The following ZNF37A variants were observed in gnomAD, a reference collection of about 807,000 sequenced individuals.
The protein encoded by ZNF37A is zinc finger protein 37A, also known as zinc finger protein 37a (KOX 21).
ZNF37A carries 10 observed loss-of-function variants against 12.3 expected under a neutral mutation model. The ratio of observed to expected loss-of-function variants is 0.82; its 90% CI spans 0.50 to 1.38. The LOEUF (loss-of-function observed/expected upper bound fraction) is 1.38, where lower values mean the gene tolerates loss of function less well. ZNF37A is among the 40% of genes most tolerant of loss of function. The pLI, the probability that ZNF37A is intolerant of heterozygous loss-of-function variation, is 0.00. For missense variants in ZNF37A, 580 were observed against 651.2 expected, an observed-to-expected ratio of 0.89 and a Z score of 1.19; for synonymous variants, 207 against 223.0, an observed-to-expected ratio of 0.93 and a Z score of 0.64.
In ZNF37A at chr10:38,101,647, C is replaced by A. The variant is rs1439926167; in HGVS notation, c.15+5015C>A. Among the ~76,000 whole-genome samples, 3 of 149,512 alleles carry A rather than the reference C, an allele frequency of 2.0e-5. No individual in the cohort carries two copies. In the South Asian group the frequency reaches 6.3e-4, roughly 32 times the overall value. ...CTTGTAACAATTTTTGACTTAAAGT[C>A]TCTTTTGTCTCAGTATAGCCACCCT... On this transcript the variant is annotated intron_variant, in intron 5 of 7. Transcript: ENST00000685332.
At chr10:38,135,324 G>T (rs1196570801) in intron 7 of ZNF37A, among the ~76,000 whole-genome samples, 9 of 152,250 alleles carry the variant, frequency 5.9e-5, no homozygotes, top group East Asian at 1.9e-4. Flanking sequence ...GGCGGAGGTT[G>T]CAGTGAGCTG....
rs2069768029 is a variant in ZNF37A at position 38,122,532 on chromosome 10, T to A, written c.*3695T>A. 6.6e-6 allele frequency: 1 copy of A among 152,108 alleles called. No homozygotes were observed. The highest frequency in any genetic ancestry group is 6.5e-5 in the Admixed American group (1 of 15,268). The allele number at this position is 152,108 out of a possible 1,614,324, so 9.4% of individuals were successfully genotyped here. A position where few individuals can be genotyped will look rare whatever the true frequency, so the allele number is the denominator to read the frequency against. On this transcript the variant is annotated 3_prime_UTR_variant, in exon 8 of 8. Coordinates refer to ENST00000685332, the MANE Select transcript of ZNF37A (RefSeq NM_001324250.3). ...GACAACCCAGAAACAAATTCATACA[T>A]CTATGGTGACCACTTTTGACAAAGG...
chr10:38,129,319 A>AAAAAAAAAAAAAAAAAAAAAAC, downstream of ZNF37A, among the ~76,000 whole-genome samples: 63 of 116,244 alleles, frequency 5.4e-4, 3 homozygotes, highest in Middle Eastern at 4.4e-3. Flanking sequence ...AAAAAAAAAA[A>AAAAAAAAAAAAAAAAAAAAAAC]AAACTATTAT....
At chr10:38,145,481 A>G (rs2070240750) in intron 7 of ZNF37A, among the ~76,000 whole-genome samples, 2 of 152,192 alleles carry the variant, frequency 1.3e-5, no homozygotes, top group South Asian at 4.1e-4. Context: ...ATGTGTGGGA[A>G]ATTTCTAACA....
chr10:38,141,264 G>A (rs2070178745), intron 7 of ZNF37A: 1 of 152,158 alleles, frequency 6.6e-6, no homozygotes, highest in Admixed American at 6.5e-5. Flanking sequence ...TATAGAGGAT[G>A]GAAGGGAAAA....
At chr10:38,137,099 T>C (rs1275256644) in intron 7 of ZNF37A, among the ~76,000 whole-genome samples, 1 of 152,224 alleles carries the variant, frequency 6.6e-6, no homozygotes, top group African/African-American at 2.4e-5. Context: ...TGTTTAAAAG[T>C]CTTTTTCTAG....
chr10:38,135,902 C>T (rs1432880215), intron 7 of ZNF37A, among the ~76,000 whole-genome samples: 1 of 152,158 alleles, frequency 6.6e-6, no homozygotes, highest in Non-Finnish European at 1.5e-5. Flanking sequence ...ATGGGGATTA[C>T]AATTCAAGAT....
chr10:38,129,403 C>T (rs141750844), downstream of ZNF37A, among the ~76,000 whole-genome samples: 1 of 150,918 alleles, frequency 6.6e-6, no homozygotes, highest in African/African-American at 2.4e-5. Flanking sequence ...TTGTGTGTTG[C>T]AGGGCTTGGT....
chr10:38,112,423 T>C (rs11011453), intron 5 of ZNF37A, among the ~76,000 whole-genome samples: 1 of 152,116 alleles, frequency 6.6e-6, no homozygotes, highest in Non-Finnish European at 1.5e-5. Context: ...GTGGGAGTTA[T>C]TTATATCCTA....
chr10:38,141,256 T>C (rs2070178620), intron 7 of ZNF37A: 1 of 152,144 alleles, frequency 6.6e-6, no homozygotes, highest in South Asian at 2.1e-4. Flanking sequence ...TTTTAACATA[T>C]AGAGGATGGA....
rs2069509003 is a variant in ZNF37A at position 38,118,796 on chromosome 10, A to G, written c.1645A>G (p.Asn549Asp). 6.2e-7 allele frequency: 1 copy of G among 1,601,302 alleles called. No individual in the cohort carries two copies. Among genetic ancestry groups the G allele is most frequent in the African/African-American group, 1.3e-5 (1 of 74,394 alleles). ...ACATCAGAGAATACACTTGGGGAGA[A>G]ACCCTATAAATGTAGTAAACGAGGG... ...TVHQRIHLGR[N>D]PINVVNEGNY... The change falls in exon 8 of 8, where the codon AAC becomes GAC. Residue 549 changes from asparagine to aspartate, a missense_variant. Coordinates refer to ENST00000685332, the MANE Select transcript of ZNF37A (RefSeq NM_001324250.3).
chr10:38,136,685 T>A (rs2070111993), intron 7 of ZNF37A, among the ~76,000 whole-genome samples: 1 of 152,230 alleles, frequency 6.6e-6, no homozygotes, highest in Non-Finnish European at 1.5e-5. Flanking sequence ...TAGATTCATC[T>A]TTTTGCATAA....
chr10:38,134,412 C>T (rs570685016), intron 7 of ZNF37A, among the ~76,000 whole-genome samples: 1 of 152,256 alleles, frequency 6.6e-6, no homozygotes, highest in East Asian at 1.9e-4. Flanking sequence ...GGTTTCTCCC[C>T]ATCTTTGTGG....
intron 5 of ZNF37A, among the ~76,000 whole-genome samples, chr10:38,107,947 G>T (rs1429170494): frequency 6.8e-6 from 1 of 147,266 alleles, no homozygotes; most frequent in African/African-American, 2.5e-5. Context: ...AGATCATCAA[G>T]ACAGAAAATT....
At chr10:38,112,224 C>A (rs2068746050) in intron 5 of ZNF37A, among the ~76,000 whole-genome samples, 1 of 151,944 alleles carries the variant, frequency 6.6e-6, no homozygotes, top group Non-Finnish European at 1.5e-5. Flanking sequence ...AAGCACTTAG[C>A]CTGGTCCATT....
chr10:38,148,379 A>C (rs1011712348), exon 8 of ZNF37A: 1 of 152,268 alleles, frequency 6.6e-6, no homozygotes, highest in African/African-American at 2.4e-5. Context: ...CAGATTTCAC[A>C]TGGAGAATTT....
rs56124182 is a variant in ZNF37A at position 38,115,066 on chromosome 10, AGTGTGTGTGTGTGTGTGTGTGTGTGT to A, written c.143-104_143-79del. ...CTGCCCCCATGACAGGATTAAATGA[AGTGTGTGTGTGTGTGTGTGTGTGTGT>A]GTGTGTGTGTGTGTGTGTGTGTGTA... On this transcript the variant is annotated intron_variant, in intron 6 of 7. Coordinates refer to ENST00000685332, the MANE Select transcript of ZNF37A (RefSeq NM_001324250.3). 1.7e-3 allele frequency: 1,046 copies of A among 621,560 alleles called. 3 individuals carry two copies. In the African/African-American group the frequency reaches 0.018, roughly 11 times the overall value. The allele number at this position is 621,560 out of a possible 1,614,324, so 38.5% of individuals were successfully genotyped here. A position where few individuals can be genotyped will look rare whatever the true frequency, so the allele number is the denominator to read the frequency against.
chr10:38,105,366 A>G (rs2067976744), intron 5 of ZNF37A, among the ~76,000 whole-genome samples: 1 of 152,112 alleles, frequency 6.6e-6, no homozygotes, highest in Admixed American at 6.6e-5. Context: ...GATCCCTTAG[A>G]TCACCATTCC....
At chr10:38,104,568 A>G (rs375635878) in intron 5 of ZNF37A, among the ~76,000 whole-genome samples, 2 of 151,824 alleles carry the variant, frequency 1.3e-5, no homozygotes, top group East Asian at 1.9e-4. Context: ...TTTTTGAGTA[A>G]TTACTCTGTG....
Sources: allele counts gnomAD v4.1 joint callset (sites outside exome capture counted in the v4.1 genomes callset), GRCh38; gene constraint gnomAD v4.1.1; transcripts MANE v1.5; gene names NCBI Gene and HGNC (gene_info 2026-07-23, HGNC 2026-07-21).